The following PCNX1 variants were observed in gnomAD, a reference collection of about 807,000 sequenced individuals.
PCNX1 encodes pecanex-like protein 1.
A neutral mutation model predicts 242.2 loss-of-function variants in PCNX1; 78 were observed. That is an observed-to-expected ratio of 0.32 (90% CI 0.27 to 0.39). The LOEUF (loss-of-function observed/expected upper bound fraction) is 0.39. PCNX1 is among the 10% of genes least tolerant of loss of function. The pLI is 1.00. For synonymous variants in PCNX1, 1,024 were observed against 1,032.9 expected (o/e 0.99, Z 0.17); for missense variants, 2,581 against 2,856.5 (o/e 0.90, Z 2.20).
At chr14:71,001,215 A>C (rs2059497028) in intron 8 of PCNX1, among the ~76,000 whole-genome samples, 1 of 152,208 alleles carries the variant, frequency 6.6e-6, no homozygotes, top group South Asian at 2.1e-4. Flanking sequence ...TGCAGTGAAC[A>C]CTGTGCTGAA....
In PCNX1 at chr14:71,039,297, G is replaced by C. The variant is rs564203587; in HGVS notation, c.3867+3140G>C. Among the ~76,000 whole-genome samples, 7 of 152,148 alleles carry C rather than the reference G, an allele frequency of 4.6e-5. No individual in the cohort carries two copies. In the South Asian group the frequency reaches 1.2e-3, roughly 27 times the overall value. On this transcript the variant is annotated intron_variant, in intron 19 of 35. Transcript: ENST00000304743. ...TGATTTCTCTGGGTTATGAATCTGG[G>C]AGTGGCTTTGCTGGATGCTTCTAGC...
chr14:71,030,689 T>G (rs2060357164), intron 16 of PCNX1, among the ~76,000 whole-genome samples: 1 of 152,182 alleles, frequency 6.6e-6, no homozygotes, highest in African/African-American at 2.4e-5. Context: ...TCCTAAGAAA[T>G]CTAGAATGCA....
intron 1 of PCNX1, among the ~76,000 whole-genome samples, chr14:70,919,924 G>A (rs192756910): frequency 6.6e-6 from 1 of 151,978 alleles, no homozygotes; most frequent in African/African-American, 2.4e-5. Context: ...AAAAAAAGTT[G>A]CATTCTGTAG....
At chr14:70,966,498 T>A (rs2058382177) in intron 3 of PCNX1, among the ~76,000 whole-genome samples, 1 of 152,172 alleles carries the variant, frequency 6.6e-6, no homozygotes, top group Non-Finnish European at 1.5e-5. Flanking sequence ...TTGATCACTT[T>A]CTTCTCAGAC....
intron 8 of PCNX1, among the ~76,000 whole-genome samples, chr14:71,001,075 A>G (rs2059491928): frequency 6.6e-6 from 1 of 152,242 alleles, no homozygotes; most frequent in African/African-American, 2.4e-5. Context: ...TAAGCATACA[A>G]TTAGAACAGT....
chr14:70,994,556 T>C (rs932330051), intron 7 of PCNX1, among the ~76,000 whole-genome samples: 13 of 151,436 alleles, frequency 8.6e-5, no homozygotes, highest in African/African-American at 3.1e-4. Context: ...TTGATACTCA[T>C]GAAAAATGAT....
At position 70,995,940 on chromosome 14, in the gene PCNX1, T is replaced by C. The variant is rs376223980; in HGVS notation, c.2629+15T>C. 16 of 1,601,296 alleles carry C rather than the reference T, an allele frequency of 1.0e-5. No homozygotes were observed. In the African/African-American group the frequency reaches 1.7e-4, roughly 17 times the overall value. ...CGATGAACTTGGTATGCAGGCCTTA[T>C]GTAATCTTGATGATACAAAAACTTT... On this transcript the variant is annotated intron_variant, in intron 8 of 35. Transcript: ENST00000304743.
At chr14:70,948,575 A>G (rs2057555473) in intron 2 of PCNX1, among the ~76,000 whole-genome samples, 1 of 147,972 alleles carries the variant, frequency 6.8e-6, no homozygotes, top group African/African-American at 2.4e-5. Context: ...GTGTGTATAT[A>G]TACACATATG....
At chr14:70,997,050 A>G (rs980570737) in intron 8 of PCNX1, among the ~76,000 whole-genome samples, 5 of 152,168 alleles carry the variant, frequency 3.3e-5, no homozygotes, top group Non-Finnish European at 7.4e-5. Flanking sequence ...AGAAAGCAAT[A>G]AAACATTTTA....
intron 27 of PCNX1, among the ~76,000 whole-genome samples, chr14:71,074,613 G>T (rs2061665917): frequency 6.6e-6 from 1 of 152,124 alleles, no homozygotes; most frequent in South Asian, 2.1e-4. Context: ...AAGGAAGCTT[G>T]CTCGAGCTTG....
chr14:71,034,083 A>G (rs1281045554), intron 18 of PCNX1, 47 bp downstream of exon 18: 7 of 1,008,910 alleles, frequency 6.9e-6, no homozygotes, highest in Non-Finnish European at 1.1e-5. Context: ...AATCTTAGAC[A>G]GTTGATCATG....
chr14:71,106,583 C>G (rs2062628909), intron 33 of PCNX1, among the ~76,000 whole-genome samples: 1 of 151,514 alleles, frequency 6.6e-6, no homozygotes. Flanking sequence ...GTACTCTCAC[C>G]AGTCCTATCA....
rs141933067 is a variant in PCNX1, at chr14:71,084,981, C to T, written c.5338-3349C>T. 8.4e-3 allele frequency among the ~76,000 whole-genome samples: 1,276 copies of T among 152,268 alleles called. 10 individuals carry two copies. Among genetic ancestry groups the T allele is most frequent in the African/African-American group, 0.029 (1,195 of 41,550 alleles). On this transcript the variant is annotated intron_variant, in intron 28 of 35. Transcript: ENST00000304743. ...CCAGGGCCCTGGTGGTATAGGCACG[C>T]GAGGGAATCTCTTGGTCTGTGGGTT... is the stretch of plus-strand genomic sequence containing the variant.
intron 8 of PCNX1, among the ~76,000 whole-genome samples, chr14:71,004,191 A>G (rs1298289446): frequency 5.9e-5 from 9 of 152,254 alleles, no homozygotes; most frequent in Non-Finnish European, 1.3e-4. Context: ...TATCTGGCCC[A>G]TGAAGCCTAA....
At chr14:70,975,166 C>G (rs1395088357) in intron 5 of PCNX1, among the ~76,000 whole-genome samples, 1 of 151,390 alleles carries the variant, frequency 6.6e-6, no homozygotes, top group Non-Finnish European at 1.5e-5. Context: ...AAATTCATAT[C>G]CTTGAAATGT....
rs1259956070 is a variant in PCNX1, at chr14:71,111,963, TG to T, written c.*2029del. 6.6e-6 allele frequency: 1 copy of T among 152,560 alleles called. No homozygotes were observed. Among genetic ancestry groups the T allele is most frequent in the Non-Finnish European group, 1.5e-5 (1 of 67,950 alleles). 9.5% of individuals were successfully genotyped at this position (152,560 alleles called of 1,614,324 possible). Reference sequence around the variant, plus strand: ...ACAGTATGCCATTAAAGTTTAGTGTTGTTTTTGGTTTTGGAGGGTTTTTTTC... The same window carrying T: ...ACAGTATGCCATTAAAGTTTAGTGTTTTTTTGGTTTTGGAGGGTTTTTTTC... On this transcript the variant is annotated 3_prime_UTR_variant, in exon 36 of 36. Transcript: ENST00000304743.
At position 70,951,589 on chromosome 14, in the gene PCNX1, G is replaced by C. The variant is rs550378940; in HGVS notation, c.362+4466G>C. Among the ~76,000 whole-genome samples the C allele has an allele frequency of 2.6e-5, 4 of 152,208 alleles. No individual in the cohort carries two copies. The East Asian group carries it at 7.7e-4, about 29-fold the overall frequency. On this transcript the variant is annotated intron_variant, in intron 2 of 35. Transcript: ENST00000304743. ...GGGGTTTCATCATGTTGGCCAGGCT[G>C]GTGCTGGACTCCCGACCTCAGGTAA... is the stretch of plus-strand genomic sequence containing the variant.
chr14:70,936,015 G>C (rs1566586956), intron 1 of PCNX1, among the ~76,000 whole-genome samples: 1 of 152,172 alleles, frequency 6.6e-6, no homozygotes, highest in Admixed American at 6.6e-5. Context: ...AGTTTGTGTT[G>C]TGTGTTTGAG....
chr14:71,071,291 A>G (rs2061580660), intron 26 of PCNX1, among the ~76,000 whole-genome samples: 1 of 152,200 alleles, frequency 6.6e-6, no homozygotes, highest in Non-Finnish European at 1.5e-5. Context: ...TCACTGGAGT[A>G]GCACTTTTAA....
Sources: gnomAD v4.1 joint callset for allele counts (sites outside exome capture counted in the v4.1 genomes callset) on GRCh38, gnomAD v4.1.1 for gene constraint, MANE v1.5 for transcripts, NCBI Gene and HGNC (gene_info 2026-07-23, HGNC 2026-07-21) for gene names.